Variants in LZTFL1 observed in about 807,000 individuals in gnomAD.
LZTFL1 encodes leucine zipper transcription factor like 1.
In LZTFL1, 25 loss-of-function variants were observed where a neutral mutation model predicts 45.9. The observed-to-expected ratio is 0.54, with a 90% CI of 0.40 to 0.76. LZTFL1 has a LOEUF of 0.76. Ranked by LOEUF, LZTFL1 falls within the 30% of genes least tolerant of loss-of-function variation. The probability of loss-of-function intolerance (pLI) is 0.00; values close to 1 mark genes in which losing one functional copy is unlikely to be tolerated. For missense variants in LZTFL1, 277 were observed against 331.1 expected, an observed-to-expected ratio of 0.84 and a Z score of 1.27; for synonymous variants, 93 against 117.4, an observed-to-expected ratio of 0.79 and a Z score of 1.35.
At chr3:45,839,571 C>A (rs1220039326) in intron 1 of LZTFL1, among the ~76,000 whole-genome samples, 2 of 152,184 alleles carry the variant, frequency 1.3e-5, no homozygotes, top group Non-Finnish European at 2.9e-5. Context: ...GACTTTCACT[C>A]ATGTTACTCT....
intron 3 of LZTFL1, among the ~76,000 whole-genome samples, chr3:45,857,276 A>T (rs2125706383): frequency 6.6e-6 from 1 of 152,314 alleles, no homozygotes. Context: ...AGAAACAGAA[A>T]ACCAAACATT....
Position 45,883,807 on chromosome 3 carries a change from A to G in LZTFL1, c.-214-24791T>C. On this transcript the variant is annotated intron_variant, in intron 2 of 4. Transcript: ENST00000472635. Reference sequence around the variant, plus strand: ...ACAACTTGTCCAAGGCCCCAAGACCATGAAGAGTGAGAGTTGCAGCCACGG... The same window carrying G: ...ACAACTTGTCCAAGGCCCCAAGACCGTGAAGAGTGAGAGTTGCAGCCACGG... 9.3e-6 allele frequency: 5 copies of G among 538,890 alleles called. No individual in the cohort carries two copies. The South Asian group carries it at 1.4e-4, about 15-fold the overall frequency. 33.4% of individuals were successfully genotyped at this position (538,890 alleles called of 1,614,324 possible). A position where few individuals can be genotyped will look rare whatever the true frequency, so the allele number is the denominator to read the frequency against.
intron 2 of LZTFL1, among the ~76,000 whole-genome samples, chr3:45,903,780 A>G (rs1450060154): frequency 6.6e-6 from 1 of 152,202 alleles, no homozygotes; most frequent in Non-Finnish European, 1.5e-5. Context: ...CAGCAGATCA[A>G]CGTGGGCCCA....
At chr3:45,895,784 T>C (rs778071178) in intron 2 of LZTFL1, among the ~76,000 whole-genome samples, 10 of 152,208 alleles carry the variant, frequency 6.6e-5, no homozygotes, top group South Asian at 2.1e-4. Flanking sequence ...CAGCCGAATG[T>C]AATTAAGTGT....
At chr3:45,886,114 G>A (rs1330624884) in intron 2 of LZTFL1, among the ~76,000 whole-genome samples, 1 of 152,240 alleles carries the variant, frequency 6.6e-6, no homozygotes, top group Non-Finnish European at 1.5e-5. Context: ...TGGTACGTCT[G>A]TCAAGGCCAG....
At chr3:45,841,393 A>G (rs1019873613) in intron 1 of LZTFL1, among the ~76,000 whole-genome samples, 8 of 152,320 alleles carry the variant, frequency 5.3e-5, no homozygotes, top group Admixed American at 3.3e-4. Flanking sequence ...GAGCAAGCCA[A>G]AACAAAGGAA....
intron 2 of LZTFL1, among the ~76,000 whole-genome samples, chr3:45,860,556 C>T (rs1333697253): frequency 1.3e-5 from 2 of 151,718 alleles, no homozygotes; most frequent in African/African-American, 4.8e-5. Context: ...TGTGAGGTTC[C>T]CTTTGGAAGG....
chr3:45,845,484 A>T (rs1406098134), upstream of LZTFL1, among the ~76,000 whole-genome samples: 1 of 152,164 alleles, frequency 6.6e-6, no homozygotes, highest in Non-Finnish European at 1.5e-5. Flanking sequence ...GAGTGTGATG[A>T]TTGTGAAATT....
intron 2 of LZTFL1, among the ~76,000 whole-genome samples, chr3:45,837,281 A>T (rs1700991153): frequency 1.3e-5 from 2 of 152,194 alleles, no homozygotes; most frequent in Non-Finnish European, 2.9e-5. Flanking sequence ...GGGGGATAGG[A>T]AACCAGATTA....
chr3:45,858,702 TAGAG>T (rs1358586688), intron 3 of LZTFL1, among the ~76,000 whole-genome samples: 48 of 152,204 alleles, frequency 3.2e-4, no homozygotes, highest in Admixed American at 3.0e-3. Flanking sequence ...AAGAGAAAGA[TAGAG>T]AATTTTGTTA....
At chr3:45,842,204 A>G (rs1701139252), upstream of LZTFL1, 1 of 1,428,634 alleles carries the variant, frequency 7.0e-7, no homozygotes, top group East Asian at 2.5e-5. Context: ...AGTATTGCGT[A>G]ACCGGTTGAC....
At chr3:45,863,788 G>C (rs1252623272) in intron 2 of LZTFL1, among the ~76,000 whole-genome samples, 1 of 152,200 alleles carries the variant, frequency 6.6e-6, no homozygotes, top group African/African-American at 2.4e-5. Context: ...GAGACTGGAG[G>C]CTGGATTAAA....
chr3:45,886,207 A>G (rs1240576545), intron 2 of LZTFL1, among the ~76,000 whole-genome samples: 1 of 152,138 alleles, frequency 6.6e-6, no homozygotes, highest in Non-Finnish European at 1.5e-5. Flanking sequence ...CACCACCTAA[A>G]GAAATCTCAT....
At chr3:45,851,644 T>G (rs1701311700) in intron 4 of LZTFL1, among the ~76,000 whole-genome samples, 1 of 152,130 alleles carries the variant, frequency 6.6e-6, no homozygotes, top group Non-Finnish European at 1.5e-5. Context: ...AGTTTCTATT[T>G]CTCACCAGAC....
intron 2 of LZTFL1, among the ~76,000 whole-genome samples, chr3:45,893,186 G>T (rs373194322): frequency 6.8e-6 from 1 of 147,386 alleles, no homozygotes; most frequent in Admixed American, 6.8e-5. Context: ...ATGGAGTCTT[G>T]CTCTGTCACC....
Position 45,848,563 on chromosome 3 carries a change from T to C in LZTFL1, c.-49+6423A>G, listed in dbSNP as rs894780188. Among the ~76,000 whole-genome samples the C allele has an allele frequency of 2.6e-5, 4 of 152,250 alleles. No individual in the cohort carries two copies. In the East Asian group the frequency reaches 7.7e-4, roughly 29 times the overall value. ...AGGTGGAGATAATTAGCCTCATAGC[T>C]ATTTTAAGCTGATACTTGAAACACT... On this transcript the variant is annotated intron_variant, in intron 4 of 4. Coordinates refer to the LZTFL1 transcript ENST00000472635.
At chr3:45,890,275 T>TACATATAA (rs1702113809) in intron 2 of LZTFL1, among the ~76,000 whole-genome samples, 1 of 85,148 alleles carries the variant, frequency 1.2e-5, no homozygotes, top group Non-Finnish European at 2.3e-5. Flanking sequence ...ATATAACATA[T>TACATATAA]ATATATATTT....
At chr3:45,888,692 TC>T (rs1185375023) in intron 2 of LZTFL1, among the ~76,000 whole-genome samples, 1 of 152,098 alleles carries the variant, frequency 6.6e-6, no homozygotes, top group South Asian at 2.1e-4. Context: ...TGTGGGATTT[TC>T]CCCCCTATAT....
rs567113208 is a variant in LZTFL1 at position 45,911,072 on chromosome 3, C to T, written c.-215+2048G>A. On this transcript the variant is annotated intron_variant, in intron 2 of 4. Coordinates refer to the LZTFL1 transcript ENST00000472635. ...ACCTTTTACATGGCAGCTGGCTTCC[C>T]CTGTGCAAGAGAACCAAGGGGAAGT... Among the ~76,000 whole-genome samples, 58 of 152,242 alleles carry T rather than the reference C, an allele frequency of 3.8e-4. No homozygotes were observed. The South Asian group carries it at 6.2e-3, about 16-fold the overall frequency.
Sources: allele counts gnomAD v4.1 joint callset (sites outside exome capture counted in the v4.1 genomes callset), GRCh38; gene constraint gnomAD v4.1.1; transcripts MANE v1.5; gene names NCBI Gene and HGNC (gene_info 2026-07-23, HGNC 2026-07-21).